Variants in KHDRBS3 observed in about 807,000 individuals in gnomAD.
The protein encoded by KHDRBS3 is KH domain-containing, RNA-binding, signal transduction-associated protein 3.
A neutral mutation model predicts 45.6 loss-of-function variants in KHDRBS3; 23 were observed. That is an observed-to-expected ratio of 0.50 (90% CI 0.36 to 0.72). The LOEUF (loss-of-function observed/expected upper bound fraction) is 0.72. Ranked by LOEUF, KHDRBS3 falls within the 30% of genes least tolerant of loss-of-function variation. The pLI is 0.00. For missense variants in KHDRBS3, 352 were observed against 424.8 expected, an observed-to-expected ratio of 0.83 and a Z score of 1.51; for synonymous variants, 162 against 156.5, an observed-to-expected ratio of 1.04 and a Z score of -0.26.
intron 5 of KHDRBS3, among the ~76,000 whole-genome samples, chr8:135,558,457 T>C (rs1013076188): frequency 3.3e-5 from 5 of 152,242 alleles, no homozygotes; most frequent in African/African-American, 1.2e-4. Flanking sequence ...TAAAATAGCA[T>C]TCTTGTATAT....
chr8:135,490,747 A>G (rs1028856486), intron 1 of KHDRBS3, among the ~76,000 whole-genome samples: 4 of 152,200 alleles, frequency 2.6e-5, no homozygotes, highest in African/African-American at 9.6e-5. Context: ...CTGATTTTTT[A>G]TGATTAAAGG....
intron 1 of KHDRBS3, among the ~76,000 whole-genome samples, chr8:135,461,670 A>C (rs1821439604): frequency 6.6e-6 from 1 of 152,234 alleles, no homozygotes; most frequent in Non-Finnish European, 1.5e-5. Context: ...CAAGTCTCTG[A>C]TATTGGTTTG....
At chr8:135,542,605 A>G (rs1225497125) in intron 2 of KHDRBS3, 49 bp from the exon 3 acceptor site, 19 of 1,171,524 alleles carry the variant, frequency 1.6e-5, no homozygotes, top group Non-Finnish European at 2.1e-5. Context: ...AGATTAAGAA[A>G]TTGCTTTCAC....
intron 5 of KHDRBS3, among the ~76,000 whole-genome samples, chr8:135,560,144 A>T (rs1827098292): frequency 6.6e-6 from 1 of 152,184 alleles, no homozygotes; most frequent in South Asian, 2.1e-4. Context: ...AAATATAGAT[A>T]AAAAGGTATC....
At chr8:135,573,718 T>C (rs1827817949) in intron 5 of KHDRBS3, among the ~76,000 whole-genome samples, 1 of 152,150 alleles carries the variant, frequency 6.6e-6, no homozygotes, top group African/African-American at 2.4e-5. Flanking sequence ...GTTTTTTTGT[T>C]TTTGTTTTTG....
At chr8:135,537,004 GT>G (rs1825811651) in intron 2 of KHDRBS3, among the ~76,000 whole-genome samples, 1 of 107,398 alleles carries the variant, frequency 9.3e-6, no homozygotes, top group African/African-American at 3.8e-5. Context: ...AAAAGGAGAT[GT>G]TTAGGAGGTA....
At chr8:135,640,656 G>A (rs756366415) in intron 7 of KHDRBS3, among the ~76,000 whole-genome samples, 1 of 152,132 alleles carries the variant, frequency 6.6e-6, no homozygotes, top group East Asian at 1.9e-4. Context: ...CCGTTGTAAC[G>A]GGGTGGGTCA....
At chr8:135,471,102 T>C (rs186206618) in intron 1 of KHDRBS3, among the ~76,000 whole-genome samples, 130 of 152,298 alleles carry the variant, frequency 8.5e-4, no homozygotes, top group African/African-American at 2.7e-3. Context: ...GGCCCAGAAT[T>C]GATACTCGTT....
chr8:135,541,450 A>G (rs1563754837), intron 2 of KHDRBS3: 2 of 152,234 alleles, frequency 1.3e-5, no homozygotes, highest in African/African-American at 4.8e-5. Flanking sequence ...ATTACATGCA[A>G]AGATTAAAAA....
intron 2 of KHDRBS3, among the ~76,000 whole-genome samples, chr8:135,536,248 T>C (rs943380576): frequency 2.7e-5 from 3 of 112,908 alleles, no homozygotes; most frequent in Admixed American, 2.4e-4. Flanking sequence ...TTTTTTTTTT[T>C]TTTTTTTTTT....
chr8:135,580,292 T>C (rs1386176049), intron 5 of KHDRBS3, among the ~76,000 whole-genome samples: 1 of 152,228 alleles, frequency 6.6e-6, no homozygotes, highest in Admixed American at 6.5e-5. Flanking sequence ...TCCCTCTGCT[T>C]TTATTTTTTG....
At chr8:135,531,689 A>G (rs1825486384) in intron 2 of KHDRBS3, among the ~76,000 whole-genome samples, 1 of 152,196 alleles carries the variant, frequency 6.6e-6, no homozygotes, top group Non-Finnish European at 1.5e-5. Context: ...ATTTCTAGAG[A>G]AATAATTATG....
At chr8:135,590,755 A>G (rs941637865) in intron 6 of KHDRBS3, among the ~76,000 whole-genome samples, 3 of 152,214 alleles carry the variant, frequency 2.0e-5, no homozygotes, top group Non-Finnish European at 2.9e-5. Context: ...CAGACTTGCC[A>G]TCCCTTAAGA....
At chr8:135,521,380 A>G (rs370756198) in intron 2 of KHDRBS3, 25 bp downstream of exon 2, 15 of 1,274,722 alleles carry the variant, frequency 1.2e-5, no homozygotes, top group Non-Finnish European at 1.7e-5. Context: ...TCTACACTGC[A>G]GGTATTTTAA....
intron 7 of KHDRBS3, among the ~76,000 whole-genome samples, chr8:135,617,104 G>C (rs781479827): frequency 2.0e-5 from 3 of 151,970 alleles, no homozygotes; most frequent in African/African-American, 4.8e-5. Context: ...AATGATGACT[G>C]TTTGACTTAC....
intron 5 of KHDRBS3, among the ~76,000 whole-genome samples, chr8:135,580,144 C>G (rs1343381854): frequency 1.3e-5 from 2 of 152,194 alleles, no homozygotes; most frequent in African/African-American, 4.8e-5. Flanking sequence ...CCAACCAGTG[C>G]TCAAGAATAG....
At chr8:135,539,524 A>G (rs1448340839) in intron 2 of KHDRBS3, 1 of 152,230 alleles carries the variant, frequency 6.6e-6, no homozygotes, top group Non-Finnish European at 1.5e-5. Flanking sequence ...ATAAAATTGT[A>G]TATATCCACA....
intron 7 of KHDRBS3, among the ~76,000 whole-genome samples, chr8:135,635,966 TG>T (rs1460375597): frequency 7.9e-5 from 12 of 152,204 alleles, no homozygotes; most frequent in African/African-American, 2.9e-4. Flanking sequence ...TAGCAAATAT[TG>T]GTTTTCCAAA....
intron 5 of KHDRBS3, 68 bp downstream of exon 5, chr8:135,557,655 C>G: frequency 1.7e-6 from 2 of 1,171,938 alleles, no homozygotes; most frequent in Non-Finnish European, 2.5e-6. Context: ...TTATTAGTAG[C>G]CAAAACCAGT....
Sources: allele counts gnomAD v4.1 joint callset (sites outside exome capture counted in the v4.1 genomes callset), GRCh38; gene constraint gnomAD v4.1.1; transcripts MANE v1.5; gene names NCBI Gene and HGNC (gene_info 2026-07-23, HGNC 2026-07-21).